LHFPL6: variants seen among roughly 807,000 people sequenced by gnomAD.
LHFPL6 encodes LHFPL tetraspan subfamily member 6 protein.
Under a neutral mutation model 20.6 loss-of-function variants are expected in LHFPL6, and 9 were observed. The observed-to-expected ratio is 0.44, with a 90% CI of 0.26 to 0.76. The LOEUF is 0.76. LHFPL6 is among the 30% of genes least tolerant of loss of function. LHFPL6 has a pLI of 0.20. For missense variants in LHFPL6, 218 were observed against 253.5 expected (o/e 0.86, Z 0.95); for synonymous variants, 105 against 98.7 (o/e 1.06, Z -0.38).
At chr13:39,556,834 T>C (rs1370387864) in intron 2 of LHFPL6, among the ~76,000 whole-genome samples, 2 of 149,658 alleles carry the variant, frequency 1.3e-5, no homozygotes, top group African/African-American at 5.0e-5. Context: ...TGATGGCACA[T>C]CCCTGTAGTC....
intron 3 of LHFPL6, among the ~76,000 whole-genome samples, chr13:39,362,223 A>G (rs1435016330): frequency 1.3e-5 from 2 of 152,182 alleles, no homozygotes; most frequent in Non-Finnish European, 2.9e-5. Flanking sequence ...TGTTCTTATG[A>G]TAGTGAGTGA....
chr13:39,550,594 T>A (rs1374521306), intron 2 of LHFPL6, among the ~76,000 whole-genome samples: 1 of 152,120 alleles, frequency 6.6e-6, no homozygotes, highest in Non-Finnish European at 1.5e-5. Flanking sequence ...TTTTTTACCA[T>A]GAAAGTAGTT....
At chr13:39,513,298 G>A (rs2138477443) in intron 2 of LHFPL6, among the ~76,000 whole-genome samples, 1 of 152,282 alleles carries the variant, frequency 6.6e-6, no homozygotes, top group South Asian at 2.1e-4. Context: ...ATGGGATTCT[G>A]ACCTAAAACA....
rs1263177836 is a variant in LHFPL6 at position 39,352,990 on chromosome 13, A to ATAATT, written c.485-8937_485-8936insAATTA. ...ACACACACATATATATATATATATA[A>ATAATT]TTTTTTTTTTTTTTTTGAGACAGAG... On this transcript the variant is annotated intron_variant, in intron 3 of 3. Coordinates refer to ENST00000379589, the MANE Select transcript of LHFPL6 (RefSeq NM_005780.3). 8.5e-4 allele frequency among the ~76,000 whole-genome samples: 72 copies of ATAATT among 84,250 alleles called. 2 individuals carry two copies. The highest frequency in any genetic ancestry group is 3.2e-3 in the African/African-American group (64 of 20,124). The allele number at this position is 84,250 out of a possible 152,430, so 55.3% of individuals were successfully genotyped here. A position where few individuals can be genotyped will look rare whatever the true frequency, so the allele number is the denominator to read the frequency against.
intron 2 of LHFPL6, among the ~76,000 whole-genome samples, chr13:39,559,374 A>G (rs183068370): frequency 3.4e-4 from 52 of 152,346 alleles, no homozygotes; most frequent in Admixed American, 6.5e-4. Flanking sequence ...AACAGGAAGC[A>G]TGATGCGGAG....
At chr13:39,407,992 ATAACAGCG>A (rs1365628203) in intron 2 of LHFPL6, among the ~76,000 whole-genome samples, 1 of 152,246 alleles carries the variant, frequency 6.6e-6, no homozygotes, top group East Asian at 1.9e-4. Flanking sequence ...TTCCTTCTGC[ATAACAGCG>A]TAACCAAAAT....
At chr13:39,368,539 G>T (rs557953131) in intron 3 of LHFPL6, among the ~76,000 whole-genome samples, 1 of 152,146 alleles carries the variant, frequency 6.6e-6, no homozygotes. Flanking sequence ...CCAAGATCAC[G>T]CCACTGCACT....
At chr13:39,357,587 A>G (rs1166976608) in intron 3 of LHFPL6, among the ~76,000 whole-genome samples, 2 of 152,230 alleles carry the variant, frequency 1.3e-5, no homozygotes, top group Non-Finnish European at 2.9e-5. Context: ...ATGATTCTAT[A>G]CCTAGAAAAC....
chr13:39,523,431 A>T (rs1014155124), intron 2 of LHFPL6, among the ~76,000 whole-genome samples: 45 of 151,124 alleles, frequency 3.0e-4, no homozygotes, highest in African/African-American at 1.0e-3. Context: ...TAACCGGGCG[A>T]GGTGGCGGGC....
intron 2 of LHFPL6, among the ~76,000 whole-genome samples, chr13:39,566,228 C>T (rs1477621727): frequency 6.6e-6 from 1 of 152,172 alleles, no homozygotes; most frequent in Non-Finnish European, 1.5e-5. Context: ...TTGTATTTAG[C>T]TGTACAGAAC....
intron 2 of LHFPL6, among the ~76,000 whole-genome samples, chr13:39,490,097 A>AACAAAC (rs112167217): frequency 6.6e-6 from 1 of 150,912 alleles, no homozygotes; most frequent in Non-Finnish European, 1.5e-5. Context: ...CAAACAAACA[A>AACAAAC]AAAAAAAAAC....
At chr13:39,560,503 T>TC (rs1871437519) in intron 2 of LHFPL6, among the ~76,000 whole-genome samples, 1 of 96,264 alleles carries the variant, frequency 1.0e-5, no homozygotes, top group Non-Finnish European at 2.4e-5. Context: ...ATGCAAATTC[T>TC]CTTTTTTTTT....
At chr13:39,411,968 C>G (rs1204702585) in intron 2 of LHFPL6, among the ~76,000 whole-genome samples, 1 of 152,208 alleles carries the variant, frequency 6.6e-6, no homozygotes, top group African/African-American at 2.4e-5. Context: ...TTCCCATACT[C>G]TCTTTCACTT....
At chr13:39,427,437 T>C (rs747216606) in intron 2 of LHFPL6, among the ~76,000 whole-genome samples, 19 of 152,246 alleles carry the variant, frequency 1.2e-4, no homozygotes, top group Non-Finnish European at 2.8e-4. Context: ...TATTGAGCTG[T>C]GGAAGTTCCC....
At chr13:39,551,707 C>T (rs867473106) in intron 2 of LHFPL6, among the ~76,000 whole-genome samples, 10 of 152,098 alleles carry the variant, frequency 6.6e-5, no homozygotes, top group Non-Finnish European at 1.0e-4. Flanking sequence ...ACAATATTGA[C>T]GACTTCCATG....
chr13:39,438,794 T>G (rs1161380185), intron 2 of LHFPL6, among the ~76,000 whole-genome samples: 1 of 152,174 alleles, frequency 6.6e-6, no homozygotes, highest in Non-Finnish European at 1.5e-5. Flanking sequence ...TTCCATATGG[T>G]ATTAAACCTG....
chr13:39,492,489 G>A (rs9594334), intron 2 of LHFPL6, among the ~76,000 whole-genome samples: 47,270 of 151,802 alleles, frequency 0.31, 7,822 homozygotes, highest in Middle Eastern at 0.43. Flanking sequence ...TAGAGACTTT[G>A]GAATGTATTC....
chr13:39,468,879 G>T (rs957313043), intron 2 of LHFPL6, among the ~76,000 whole-genome samples: 5 of 16,832 alleles, frequency 3.0e-4, no homozygotes, highest in Non-Finnish European at 6.0e-4. Context: ...GATGCCAAAT[G>T]TAAGAAAAAA....
chr13:39,459,164 T>C (rs1872634834), intron 2 of LHFPL6, among the ~76,000 whole-genome samples: 1 of 151,470 alleles, frequency 6.6e-6, no homozygotes, highest in African/African-American at 2.4e-5. Flanking sequence ...TGGTTCCAGG[T>C]CTGTCAGTAA....
Sources: allele counts gnomAD v4.1 joint callset (sites outside exome capture counted in the v4.1 genomes callset), GRCh38; gene constraint gnomAD v4.1.1; transcripts MANE v1.5; gene names NCBI Gene and HGNC (gene_info 2026-07-23, HGNC 2026-07-21).